PRDM5: variants seen among roughly 807,000 people sequenced by gnomAD.
The protein encoded by PRDM5 is PR domain zinc finger protein 5.
Under a neutral mutation model 81.2 loss-of-function variants are expected in PRDM5, and 56 were observed. The observed-to-expected ratio is 0.69, with a 90% CI of 0.56 to 0.86. PRDM5 has a LOEUF of 0.86. Among genes scored for constraint, PRDM5 ranks in the 40% least tolerant of loss-of-function variants. The pLI is 0.00. For missense variants in PRDM5, 697 were observed against 770.1 expected (o/e 0.91, Z 1.12); for synonymous variants, 267 against 256.4 (o/e 1.04, Z -0.39).
intron 2 of PRDM5, among the ~76,000 whole-genome samples, chr4:120,877,347 A>C (rs1561575292): frequency 6.6e-6 from 1 of 152,212 alleles, no homozygotes; most frequent in Non-Finnish European, 1.5e-5. Flanking sequence ...ATTTTAACTG[A>C]ATAATCAAAG....
chr4:120,911,767 A>C (rs1016384960), intron 1 of PRDM5, among the ~76,000 whole-genome samples: 11 of 152,176 alleles, frequency 7.2e-5, no homozygotes, highest in African/African-American at 2.7e-4. Context: ...CACAGACCAA[A>C]TTTAGAACAA....
At chr4:120,777,740 G>T (rs1351823199) in intron 12 of PRDM5, among the ~76,000 whole-genome samples, 1 of 152,066 alleles carries the variant, frequency 6.6e-6, no homozygotes, top group African/African-American at 2.4e-5. Flanking sequence ...GACTAGACTG[G>T]TTTTACTGCA....
chr4:120,724,493 C>A (rs968314092), intron 14 of PRDM5, among the ~76,000 whole-genome samples: 2 of 152,154 alleles, frequency 1.3e-5, no homozygotes, highest in Non-Finnish European at 2.9e-5. Context: ...GAGAATTCAA[C>A]ATAGTCACAG....
chr4:120,895,539 C>A (rs1243731167), intron 2 of PRDM5: 1 of 152,460 alleles, frequency 6.6e-6, no homozygotes, highest in Non-Finnish European at 1.5e-5. Flanking sequence ...CACATCAACA[C>A]CATCTTCATC....
intron 7 of PRDM5, among the ~76,000 whole-genome samples, chr4:120,815,597 A>C (rs1371125644): frequency 1.3e-5 from 2 of 152,234 alleles, no homozygotes; most frequent in African/African-American, 2.4e-5. Context: ...CCTGAATATA[A>C]GAATAAACAA....
intron 13 of PRDM5, among the ~76,000 whole-genome samples, chr4:120,759,522 G>T (rs1745297108): frequency 6.6e-6 from 1 of 152,162 alleles, no homozygotes; most frequent in African/African-American, 2.4e-5. Flanking sequence ...GCATATTAAA[G>T]ATAAATTGTT....
At chr4:120,844,049 C>T (rs903461822) in intron 3 of PRDM5, among the ~76,000 whole-genome samples, 11 of 152,132 alleles carry the variant, frequency 7.2e-5, no homozygotes, top group Admixed American at 4.6e-4. Context: ...TAGGCCGCTG[C>T]GGCCACTGTG....
intron 7 of PRDM5, chr4:120,812,903 C>T (rs1046845379): frequency 5.8e-5 from 11 of 190,094 alleles, no homozygotes; most frequent in East Asian, 5.3e-4. Context: ...AAAGAAAAAA[C>T]TAAATTTATT....
In PRDM5 at chr4:120,798,288, A is replaced by G. The variant is rs775660090; in HGVS notation, c.1167T>C (p.Asn389=). 1.9e-6 allele frequency: 3 copies of G among 1,605,896 alleles called. No homozygotes were observed. In the African/African-American group the frequency reaches 4.0e-5, roughly 21 times the overall value. ...KLCGKGFAHR[N]VYKNHKKTHS... ...TTACCTTCTTATGATTCTTGTAAAC[A>G]TTTCTGTGGGCAAATCCCTTTCCAC... The change falls in exon 10 of 16, where the codon AAT becomes AAC. Residue 389 remains asparagine, a synonymous_variant. Transcript: ENST00000264808.
intron 15 of PRDM5, among the ~76,000 whole-genome samples, chr4:120,700,564 T>C (rs894067112): frequency 2.6e-5 from 4 of 152,182 alleles, no homozygotes; most frequent in African/African-American, 7.2e-5. Flanking sequence ...ACAGTTCTAA[T>C]GTCCAGAATC....
At chr4:120,713,770 C>T (rs752637595) in intron 14 of PRDM5, among the ~76,000 whole-genome samples, 6 of 152,040 alleles carry the variant, frequency 3.9e-5, no homozygotes, top group Admixed American at 6.6e-5. Flanking sequence ...TTTGAGCTGC[C>T]GTAATAAAAT....
chr4:120,703,137 T>C (rs1485609766), intron 15 of PRDM5, among the ~76,000 whole-genome samples: 1 of 152,204 alleles, frequency 6.6e-6, no homozygotes, highest in Non-Finnish European at 1.5e-5. Flanking sequence ...TCCCAGTCTT[T>C]ATCATGAATT....
intron 2 of PRDM5, among the ~76,000 whole-genome samples, chr4:120,874,144 T>A (rs1211878272): frequency 6.6e-6 from 1 of 152,194 alleles, no homozygotes; most frequent in Non-Finnish European, 1.5e-5. Flanking sequence ...TTTGAAAGTA[T>A]ACAATATACT....
chr4:120,816,462 C>A lies in PRDM5; in HGVS notation c.856G>T (p.Val286Phe), dbSNP rs1754511338. The A allele has an allele frequency of 6.2e-7, 1 of 1,614,082 alleles. No homozygotes were observed. The highest frequency in any genetic ancestry group is 8.5e-7 in the Non-Finnish European group (1 of 1,180,032). ...KDALKRHQEN[V>F]HTGDPKKKLI... is the part of the protein sequence containing the mutation. ...TCCAACGACTCCTCACCAGTGTGGA[C>A]ATTTTCCTGGTGTCTTTTCAGGGCA... The change falls in exon 7 of 16, where the codon GTC (valine) becomes TTC (phenylalanine). Residue 286 changes from valine to phenylalanine, a missense_variant. Transcript: ENST00000264808.
intron 10 of PRDM5, among the ~76,000 whole-genome samples, chr4:120,791,576 T>C (rs72678327): frequency 7.2e-4 from 110 of 152,316 alleles, no homozygotes; most frequent in Middle Eastern, 3.4e-3. Flanking sequence ...TCTGATCTAA[T>C]ACTTTGAAAT....
At chr4:120,774,886 T>A (rs201164568) in intron 13 of PRDM5, among the ~76,000 whole-genome samples, 21 of 54,334 alleles carry the variant, frequency 3.9e-4, no homozygotes, top group African/African-American at 1.4e-3. Context: ...CTCTCTCTCT[T>A]TCTATATATA....
In PRDM5 at chr4:120,698,989, ATATAT is replaced by A. The variant is rs375323995; in HGVS notation, c.1729-3719_1729-3715del. Among the ~76,000 whole-genome samples, 114 of 151,852 alleles carry A rather than the reference ATATAT, an allele frequency of 7.5e-4. 1 individual carries two copies. The South Asian group carries it at 0.016, about 21-fold the overall frequency. Reference sequence around the variant, plus strand: ...AACATACACATGTACTACTGTATTTATATATTATATTAAAGACAGACAAAATTTTG... The same window carrying A: ...AACATACACATGTACTACTGTATTTATATATTAAAGACAGACAAAATTTTG... On this transcript the variant is annotated intron_variant, in intron 15 of 15. Coordinates refer to ENST00000264808, the MANE Select transcript of PRDM5 (RefSeq NM_018699.4).
chr4:120,716,164 CAT>C (rs369883338), intron 14 of PRDM5, among the ~76,000 whole-genome samples: 77 of 152,286 alleles, frequency 5.1e-4, no homozygotes, highest in African/African-American at 1.4e-3. Context: ...ATATTTTTCA[CAT>C]GTTTATACAT....
chr4:120,738,183 C>A (rs1042767399), intron 14 of PRDM5, among the ~76,000 whole-genome samples: 2 of 152,220 alleles, frequency 1.3e-5, no homozygotes, highest in African/African-American at 2.4e-5. Context: ...AGATCACCCA[C>A]GCTTGAGTTT....
Sources: gnomAD v4.1 joint callset for allele counts (sites outside exome capture counted in the v4.1 genomes callset) on GRCh38, gnomAD v4.1.1 for gene constraint, MANE v1.5 for transcripts, NCBI Gene and HGNC (gene_info 2026-07-23, HGNC 2026-07-21) for gene names.